ZNF701: variants seen among roughly 807,000 people sequenced by gnomAD.
The protein encoded by ZNF701 is zinc finger protein 701.
In ZNF701, 6 loss-of-function variants were observed where a neutral mutation model predicts 7.1. The ratio of observed to expected loss-of-function variants is 0.84; its 90% CI spans 0.46 to 1.66. The LOEUF is 1.66. ZNF701 is among the 40% of genes most tolerant of loss of function. The pLI is 0.01. For synonymous variants in ZNF701, 166 were observed against 188.2 expected, an observed-to-expected ratio of 0.88 and a Z score of 0.97; for missense variants, 541 against 559.2, an observed-to-expected ratio of 0.97 and a Z score of 0.33.
chr19:52,582,709 G>A lies in ZNF701; in HGVS notation c.650G>A (p.Arg217His), dbSNP rs750484328. ...EVHTREKSFQ[R>H]NESGKAFNGS... ...CACACAAGAGAAAAATCTTTCCAAC[G>A]TAATGAGAGTGGCAAAGCCTTTAAT... The change falls in exon 4 of 4, where the codon CGT (arginine) becomes CAT (histidine). Residue 217 changes from arginine (R) to histidine (H), a missense_variant. Physicochemically the swap from Arg to His is conservative, Grantham distance 29 (BLOSUM62 0). Transcript: ENST00000391785. The A allele has an allele frequency of 1.2e-5, 19 of 1,614,102 alleles. No homozygotes were observed. Among genetic ancestry groups the A allele is most frequent in the Admixed American group, 3.3e-5 (2 of 60,018 alleles).
In ZNF701 at chr19:52,582,653, G is replaced by T; in HGVS notation, c.594G>T (p.Gln198His). 3.1e-6 allele frequency: 5 copies of T among 1,614,102 alleles called. No homozygotes were observed. The highest frequency in any genetic ancestry group is 4.2e-6 in the Non-Finnish European group (5 of 1,180,022). The change falls in exon 4 of 4, where the codon CAG becomes CAT. Residue 198 changes from glutamine to histidine, a missense_variant. Gln to His is a conservative substitution (Grantham distance 24). Transcript: ENST00000391785. ...ATAAGTATAGGAATAATTTCCTCCA[G>T]TCTTCATTACTCACACAAAAACGGG... ...ISNKYRNNFLQSSLLTQKREV... is the reference protein window; with the variant it reads ...ISNKYRNNFLHSSLLTQKREV...
chr19:52,597,025 A>G, the ZNF701 span: 1 of 1,235,064 alleles, frequency 8.1e-7, no homozygotes, highest in Non-Finnish European at 1.2e-6. Context: ...GATTGTCACA[A>G]AGTCTTCAGT....
At chr19:52,570,846 G>A (rs2146974737) in intron 1 of ZNF701, 1 of 152,484 alleles carries the variant, frequency 6.6e-6, no homozygotes, top group South Asian at 2.1e-4. Flanking sequence ...CTTTCCTTGA[G>A]CCAGCGTTGG....
intron 3 of ZNF701, among the ~76,000 whole-genome samples, chr19:52,581,086 T>C (rs996953017): frequency 3.9e-5 from 6 of 152,048 alleles, no homozygotes; most frequent in African/African-American, 1.4e-4. Context: ...ATCATGCCAT[T>C]GCACTCTGTC....
At chr19:52,599,298 G>C in the ZNF701 span, among the ~76,000 whole-genome samples, 1 of 152,148 alleles carries the variant, frequency 6.6e-6, no homozygotes, top group East Asian at 1.9e-4. Flanking sequence ...AACAACAAGG[G>C]AAACAGTACC....
chr19:52,572,204 G>A, intron 1 of ZNF701: 1 of 325,836 alleles, frequency 3.1e-6, no homozygotes, highest in Non-Finnish European at 6.0e-6. Flanking sequence ...ACAGGCAAGT[G>A]CCACAACATC....
chr19:52,578,253 C>CA (rs58385761), intron 3 of ZNF701, among the ~76,000 whole-genome samples: 5,244 of 40,548 alleles, frequency 0.13, 555 homozygotes, highest in Non-Finnish European at 0.17. Context: ...GACTCCGTCT[C>CA]AAAAAAAAAA....
downstream of ZNF701, chr19:52,587,232 A>G (rs964157233): frequency 7.2e-5 from 11 of 152,250 alleles, no homozygotes; most frequent in African/African-American, 2.4e-4. Flanking sequence ...GGAGTGAGAA[A>G]GTACATCATT....
chr19:52,592,578 C>T, the ZNF701 span, among the ~76,000 whole-genome samples: 1 of 151,574 alleles, frequency 6.6e-6, no homozygotes, highest in Non-Finnish European at 1.5e-5. Flanking sequence ...TCCAGCTGCG[C>T]TTGTGGTTTT....
Position 52,574,191 on chromosome 19 carries a change from T to G in ZNF701, c.15+29T>G, listed in dbSNP as rs373242759. On this transcript the variant is annotated intron_variant, in intron 2 of 3. Transcript: ENST00000391785. ...AGATGATATTCTCGGGGGATTGTTC[T>G]GTCTCCTTCCTTTCAGAAATGCTGA... The G allele has an allele frequency of 5.0e-6, 8 of 1,604,060 alleles. No individual in the cohort carries two copies. The African/African-American group carries it at 5.4e-5, about 11-fold the overall frequency.
At chr19:52,595,133 C>G in the ZNF701 span, among the ~76,000 whole-genome samples, 2 of 152,178 alleles carry the variant, frequency 1.3e-5, no homozygotes, top group South Asian at 2.1e-4. Context: ...AGCCGCCCAC[C>G]ACCATGCCTG....
Position 52,583,911 on chromosome 19 carries a change from C to A in ZNF701, c.*454C>A. 2.4e-6 allele frequency: 1 copy of A among 409,482 alleles called. No individual in the cohort carries two copies. The highest frequency in any genetic ancestry group is 4.9e-6 in the Non-Finnish European group (1 of 205,888). 25.4% of individuals were successfully genotyped at this position (409,482 alleles called of 1,614,324 possible). A position where few individuals can be genotyped will look rare whatever the true frequency, so the allele number is the denominator to read the frequency against. On this transcript the variant is annotated 3_prime_UTR_variant, in exon 4 of 4. Transcript: ENST00000391785. The stretch of plus-strand genomic sequence containing the variant: ...TGTGGCAAGTTTTTCAGACATCATT[C>A]ATAACTTGCAGTTCATTGGCGATCT...
At chr19:52,571,987 C>G (rs1406820486) in intron 1 of ZNF701, among the ~76,000 whole-genome samples, 1 of 151,840 alleles carries the variant, frequency 6.6e-6, no homozygotes, top group Admixed American at 6.6e-5. Flanking sequence ...CCACACCAGG[C>G]TAATTTTGTA....
the ZNF701 span, chr19:52,596,066 T>C: frequency 7.9e-7 from 1 of 1,267,920 alleles, no homozygotes; most frequent in Non-Finnish European, 1.1e-6. Context: ...TTTCCTCTAT[T>C]CTTCATTATT....
the ZNF701 span, chr19:52,592,298 T>C: frequency 6.9e-7 from 1 of 1,442,310 alleles, no homozygotes; most frequent in Admixed American, 1.9e-5. Context: ...GGTTTTGTAT[T>C]CTCTTTTGTG....
chr19:52,576,163 C>T (rs2059933097), intron 3 of ZNF701, 142 bp downstream of exon 3: 3 of 1,534,552 alleles, frequency 2.0e-6, no homozygotes, highest in Admixed American at 2.1e-5. Flanking sequence ...CATGATGTAG[C>T]ATCTGGACTT....
At chr19:52,600,120 T>C in the ZNF701 span, among the ~76,000 whole-genome samples, 3 of 152,250 alleles carry the variant, frequency 2.0e-5, no homozygotes, top group Non-Finnish European at 4.4e-5. Context: ...CTAAGGCTTA[T>C]TTATTAATAA....
At chr19:52,576,127 C>T (rs2868495) in intron 3 of ZNF701, 106 bp downstream of exon 3, 14 of 1,585,042 alleles carry the variant, frequency 8.8e-6, no homozygotes, top group African/African-American at 8.2e-5. Flanking sequence ...AAATGGAAGC[C>T]GTATTGAGTT....
intron 3 of ZNF701, 118 bp from the exon 4 acceptor site, chr19:52,582,084 T>C: frequency 1.2e-6 from 1 of 862,998 alleles, no homozygotes; most frequent in South Asian, 2.5e-5. Context: ...TCCTAAACTT[T>C]GAAGATCATG....
Sources: allele counts gnomAD v4.1 joint callset (sites outside exome capture counted in the v4.1 genomes callset), GRCh38; gene constraint gnomAD v4.1.1; transcripts MANE v1.5; gene names NCBI Gene and HGNC (gene_info 2026-07-23, HGNC 2026-07-21).